The following CSMD3 variants were observed in gnomAD, a reference collection of about 807,000 sequenced individuals.
The protein encoded by CSMD3 is CUB and sushi domain-containing protein 3.
CSMD3 carries 177 observed loss-of-function variants against 435.2 expected under a neutral mutation model. The observed-to-expected ratio is 0.41, with a 90% confidence interval of 0.36 to 0.46. The LOEUF (loss-of-function observed/expected upper bound fraction) is 0.46, where lower values mean the gene tolerates loss of function less well. Among genes scored for constraint, CSMD3 ranks in the 20% least tolerant of loss-of-function variants. The probability of loss-of-function intolerance (pLI) is 0.34; values close to 1 mark genes in which losing one functional copy is unlikely to be tolerated. For missense variants in CSMD3, 4,265 were observed against 4,504.6 expected (o/e 0.95, Z 1.52); for synonymous variants, 1,656 against 1,520.5 (o/e 1.09, Z -2.07).
At chr8:112,584,885 G>A (rs1475870049) in intron 23 of CSMD3, among the ~76,000 whole-genome samples, 1 of 151,670 alleles carries the variant, frequency 6.6e-6, no homozygotes, top group East Asian at 1.9e-4. Context: ...TCATGGATTA[G>A]TTTTCAGTTA....
intron 27 of CSMD3, among the ~76,000 whole-genome samples, chr8:112,523,269 T>C (rs1423912620): frequency 1.3e-5 from 2 of 151,958 alleles, no homozygotes; most frequent in African/African-American, 2.4e-5. Flanking sequence ...TTTCCTGCCT[T>C]ATCTGTAAAA....
At chr8:112,569,307 G>A (rs1431194802) in intron 24 of CSMD3, among the ~76,000 whole-genome samples, 3 of 152,072 alleles carry the variant, frequency 2.0e-5, no homozygotes, top group Admixed American at 6.6e-5. Flanking sequence ...TGTTGATCTT[G>A]TTAAGTAGTT....
chr8:112,378,389 T>C (rs937975448), intron 38 of CSMD3, among the ~76,000 whole-genome samples: 2 of 152,162 alleles, frequency 1.3e-5, no homozygotes, highest in Non-Finnish European at 2.9e-5. Context: ...TGCAGCAGTA[T>C]TCACAATAGC....
intron 22 of CSMD3, among the ~76,000 whole-genome samples, chr8:112,614,151 G>A (rs1039467623): frequency 1.2e-4 from 18 of 152,100 alleles, no homozygotes; most frequent in Admixed American, 5.9e-4. Context: ...AAGCATTGCA[G>A]GCAGAGGGAA....
rs1820812357 is a variant in CSMD3 at position 112,492,635 on chromosome 8, G to T, written c.5132C>A (p.Thr1711Asn). ...TAATTTATAATCCATTCCAAGTCTG[G>T]TGCCATTCATTATATTGCCTGGATC... is the stretch of plus-strand genomic sequence containing the variant. ...CFDPGNIMNG[T>N]RLGMDYKLGS... Residue 1711 changes from threonine to asparagine, a missense_variant, in exon 31 of 71, where the codon ACC (threonine) becomes AAC (asparagine). By Grantham distance (65) the Thr-to-Asn change is moderately conservative. Around this residue, in one of 3 missense-constraint regions of CSMD3, gnomAD observed 3,255 missense variants for 3,380.2 expected, o/e 0.96. Coordinates refer to ENST00000297405, the MANE Select transcript of CSMD3 (RefSeq NM_198123.2). 1.2e-6 allele frequency: 2 copies of T among 1,613,770 alleles called. No homozygotes were observed. The highest frequency in any genetic ancestry group is 2.2e-5 in the East Asian group (1 of 44,846).
intron 3 of CSMD3, among the ~76,000 whole-genome samples, chr8:113,222,513 C>T (rs1238108775): frequency 6.6e-6 from 1 of 150,886 alleles, no homozygotes; most frequent in Non-Finnish European, 1.5e-5. Context: ...AAACGTAACA[C>T]ATTTTCAAAG....
intron 52 of CSMD3, among the ~76,000 whole-genome samples, chr8:112,304,254 GA>G (rs1210419812): frequency 6.6e-6 from 1 of 151,988 alleles, no homozygotes; most frequent in Non-Finnish European, 1.5e-5. Flanking sequence ...GAATCAGAGA[GA>G]ATAAACATGA....
intron 27 of CSMD3, among the ~76,000 whole-genome samples, chr8:112,530,085 G>A (rs535288107): frequency 3.9e-4 from 59 of 151,694 alleles, no homozygotes; most frequent in Non-Finnish European, 6.9e-4. Context: ...GCAACTCAAG[G>A]ACACATCATT....
intron 3 of CSMD3, among the ~76,000 whole-genome samples, chr8:113,197,707 G>A (rs2092674000): frequency 6.6e-6 from 1 of 150,994 alleles, no homozygotes; most frequent in African/African-American, 2.4e-5. Context: ...ATTTTAAAAC[G>A]ATCTTATAGT....
At chr8:112,990,449 G>T (rs2085413488) in intron 6 of CSMD3, among the ~76,000 whole-genome samples, 1 of 151,960 alleles carries the variant, frequency 6.6e-6, no homozygotes, top group East Asian at 1.9e-4. Flanking sequence ...TGGGTTAAAT[G>T]CTTGAGTTTT....
intron 7 of CSMD3, among the ~76,000 whole-genome samples, chr8:112,966,435 T>C (rs1389441611): frequency 6.6e-6 from 1 of 151,588 alleles, no homozygotes. Flanking sequence ...AACTTTTGTA[T>C]ACTTTTCTTT....
At chr8:113,200,371 C>T (rs2092704280) in intron 3 of CSMD3, among the ~76,000 whole-genome samples, 1 of 151,706 alleles carries the variant, frequency 6.6e-6, no homozygotes, top group South Asian at 2.1e-4. Context: ...TCCATTTTTG[C>T]CTCCTTGTAA....
At chr8:112,899,459 A>G (rs2082039649) in intron 10 of CSMD3, among the ~76,000 whole-genome samples, 1 of 147,962 alleles carries the variant, frequency 6.8e-6, no homozygotes, top group South Asian at 2.1e-4. Flanking sequence ...CATTCTAAGC[A>G]TTTTAGTTTT....
intron 3 of CSMD3, among the ~76,000 whole-genome samples, chr8:113,179,583 C>A (rs2092395034): frequency 6.6e-6 from 1 of 151,740 alleles, no homozygotes; most frequent in Non-Finnish European, 1.5e-5. Flanking sequence ...TTTCTTCATT[C>A]TTTTGTCTAT....
intron 1 of CSMD3, among the ~76,000 whole-genome samples, chr8:113,366,572 T>A (rs753658144): frequency 6.6e-6 from 1 of 152,118 alleles, no homozygotes; most frequent in Non-Finnish European, 1.5e-5. Context: ...GCAAATTTTC[T>A]TCATTTTGTC....
At chr8:113,176,926 G>C (rs1042320945) in intron 3 of CSMD3, among the ~76,000 whole-genome samples, 1 of 150,608 alleles carries the variant, frequency 6.6e-6, no homozygotes, top group Admixed American at 6.6e-5. Flanking sequence ...GTTTAAAAAA[G>C]AAAAGAAAAT....
chr8:112,584,422 A>G (rs982904754), intron 23 of CSMD3, among the ~76,000 whole-genome samples: 6 of 151,834 alleles, frequency 4.0e-5, no homozygotes, highest in African/African-American at 1.4e-4. Flanking sequence ...AAAGTTGTTT[A>G]TAGAAAGAAA....
intron 16 of CSMD3, among the ~76,000 whole-genome samples, chr8:112,669,960 C>T (rs932555255): frequency 6.6e-6 from 1 of 152,196 alleles, no homozygotes; most frequent in Non-Finnish European, 1.5e-5. Flanking sequence ...TTCTTTCCAA[C>T]TGACATTAAG....
chr8:112,853,339 C>A (rs925165116), intron 11 of CSMD3, among the ~76,000 whole-genome samples: 1 of 152,162 alleles, frequency 6.6e-6, no homozygotes, highest in Non-Finnish European at 1.5e-5. Flanking sequence ...AATTCTCCTG[C>A]CTCAGCCTCC....
Sources: allele counts gnomAD v4.1 joint callset (sites outside exome capture counted in the v4.1 genomes callset), GRCh38; gene constraint gnomAD v4.1.1; regional missense constraint gnomAD v4.1.1; transcripts MANE v1.5; gene names NCBI Gene and HGNC (gene_info 2026-07-23, HGNC 2026-07-21).